The following ZNF229 variants were observed in gnomAD, a reference collection of about 807,000 sequenced individuals.
The protein encoded by ZNF229 is zinc finger protein 229.
ZNF229 carries 10 observed loss-of-function variants against 11.8 expected under a neutral mutation model. The ratio of observed to expected loss-of-function variants is 0.85; its 90% CI spans 0.52 to 1.44. The LOEUF (loss-of-function observed/expected upper bound fraction) is 1.44. Ranked by LOEUF, ZNF229 falls within the 40% of genes most tolerant of loss-of-function variation. ZNF229 has a pLI of 0.00. For synonymous variants in ZNF229, 368 were observed against 374.8 expected (o/e 0.98, Z 0.21); for missense variants, 1,045 against 1,015.1 (o/e 1.03, Z -0.40).
chr19:44,428,721 T>C lies in ZNF229; in HGVS notation c.2060A>G (p.Asp687Gly), dbSNP rs759607027. ...VHTGKKPYTC[D>G]QCGKGFSYGS... The stretch of plus-strand genomic sequence containing the variant: ...ATAACTGAATCCCTTGCCACACTGA[T>C]CACACGTATAGGGCTTTTTTCCCGT... The change falls in exon 6 of 6, where the codon GAT becomes GGT. Residue 687 changes from aspartate (D) to glycine (G), a missense_variant. Transcript: ENST00000614049. The C allele has an allele frequency of 6.2e-7, 1 of 1,613,394 alleles. No individual in the cohort carries two copies. The highest frequency in any genetic ancestry group is 1.7e-5 in the Admixed American group (1 of 59,976).
At position 44,428,092 on chromosome 19, in the gene ZNF229, C is replaced by G; in HGVS notation, c.*211G>C. 1 of 552,868 alleles carries G rather than the reference C, an allele frequency of 1.8e-6. No homozygotes were observed. Among genetic ancestry groups the G allele is most frequent in the Non-Finnish European group, 3.1e-6 (1 of 317,842 alleles). 34.2% of individuals were successfully genotyped at this position (552,868 alleles called of 1,614,324 possible). ...TTTCTTTAAAGCCTACTCCGCTGCA[C>G]AACAGACTCTTAAAGACTGAAGTTT... On this transcript the variant is annotated 3_prime_UTR_variant, in exon 6 of 6. Transcript: ENST00000614049.
chr19:44,442,813 C>T lies in ZNF229; in HGVS notation c.34+1G>A. On this transcript the variant is annotated splice_donor_variant, in intron 3 of 5. Transcript: ENST00000614049. LOFTEE classifies it high-confidence loss of function. ...CACCCACCCCCTCTATTAGCTGTCA[C>T]CTCTTTTCTCATGCCTTGAGGTCAA... 1 of 1,531,068 alleles carries T rather than the reference C, an allele frequency of 6.5e-7. No homozygotes were observed. The highest frequency in any genetic ancestry group is 9.0e-7 in the Non-Finnish European group (1 of 1,106,640). The allele number at this position is 1,531,068 out of a possible 1,614,324, so 94.8% of individuals were successfully genotyped here. A position where few individuals can be genotyped will look rare whatever the true frequency, so the allele number is the denominator to read the frequency against.
At chr19:44,442,510 T>C in intron 4 of ZNF229, 53 bp downstream of exon 4, 3 of 1,592,004 alleles carry the variant, frequency 1.9e-6, no homozygotes, top group Non-Finnish European at 2.6e-6. Flanking sequence ...GGACGTATGT[T>C]TTCTCTCTGA....
chr19:44,447,560 T>C lies in ZNF229; in HGVS notation c.-225A>G, dbSNP rs575143592. 1 of 152,190 alleles carries C rather than the reference T, an allele frequency of 6.6e-6. No individual in the cohort carries two copies. Among genetic ancestry groups the C allele is most frequent in the African/African-American group, 2.4e-5 (1 of 41,444 alleles). 9.4% of individuals were successfully genotyped at this position (152,190 alleles called of 1,614,324 possible). A position where few individuals can be genotyped will look rare whatever the true frequency, so the allele number is the denominator to read the frequency against. On this transcript the variant is annotated 5_prime_UTR_variant, in exon 2 of 6. Transcript: ENST00000614049. ...TGTGGGGTTATTTCTCCTTCTTTTATACAATTATCTCCGAGAAACGAACAA... is the reference window on the plus strand; with the variant it reads ...TGTGGGGTTATTTCTCCTTCTTTTACACAATTATCTCCGAGAAACGAACAA...
In ZNF229 at chr19:44,426,342, A is replaced by C. The variant is rs1337300558; in HGVS notation, c.*1961T>G. ...TAGCTCTACTGTTATTATAAAACTG[A>C]AAGATACTTTGTTACAAAGTAAAAT... On this transcript the variant is annotated 3_prime_UTR_variant, in exon 6 of 6. Coordinates refer to ENST00000614049, the MANE Select transcript of ZNF229 (RefSeq NM_014518.4). The C allele has an allele frequency of 1.3e-5, 2 of 152,174 alleles. No individual in the cohort carries two copies. Among genetic ancestry groups the C allele is most frequent in the Non-Finnish European group, 2.9e-5 (2 of 68,038 alleles). The allele number at this position is 152,174 out of a possible 1,614,324, so 9.4% of individuals were successfully genotyped here.
intron 2 of ZNF229, among the ~76,000 whole-genome samples, chr19:44,446,583 T>C (rs926632416): frequency 1.3e-5 from 2 of 152,216 alleles, no homozygotes; most frequent in Non-Finnish European, 1.5e-5. Context: ...AAATCATCAA[T>C]ATACTATTAC....
At chr19:44,438,697 A>G (rs1445248114) in intron 4 of ZNF229, among the ~76,000 whole-genome samples, 1 of 152,078 alleles carries the variant, frequency 6.6e-6, no homozygotes, top group Non-Finnish European at 1.5e-5. Context: ...CAGTGAGGGG[A>G]GAGGAGCTGA....
At chr19:44,433,646 C>T (rs560501128) in intron 4 of ZNF229, among the ~76,000 whole-genome samples, 11 of 152,194 alleles carry the variant, frequency 7.2e-5, no homozygotes, top group African/African-American at 2.7e-4. Flanking sequence ...TTTCTGAGGC[C>T]TCCTTAGAAG....
rs1971582173 is a variant in ZNF229, at chr19:44,426,872, T to TATTACGTCC, written c.*1422_*1430dup. On this transcript the variant is annotated 3_prime_UTR_variant, in exon 6 of 6. Transcript: ENST00000614049. The stretch of plus-strand genomic sequence containing the variant: ...CTCTCACCAATAAGTACATAAGACT[T>TATTACGTCC]ATTACGTCCATTTTTGCACTGCTAT... 6.6e-6 allele frequency: 1 copy of TATTACGTCC among 152,118 alleles called. No homozygotes were observed. Among genetic ancestry groups the TATTACGTCC allele is most frequent in the South Asian group, 2.1e-4 (1 of 4,826 alleles). The allele number at this position is 152,118 out of a possible 1,614,324, so 9.4% of individuals were successfully genotyped here. A position where few individuals can be genotyped will look rare whatever the true frequency, so the allele number is the denominator to read the frequency against.
rs1308783896 is a variant in ZNF229 at position 44,428,504 on chromosome 19, C to T, written c.2277G>A (p.Gln759=). Residue 759 remains glutamine (Q), a synonymous_variant, in exon 6 of 6, where the codon CAG becomes CAA. Coordinates refer to ENST00000614049, the MANE Select transcript of ZNF229 (RefSeq NM_014518.4). Reference sequence around the variant, plus strand: ...AGGGTTTCTCACCAGTGTGGACCCTCTGATGACCTTGAAGATGTGAGCTCT... The same window carrying T: ...AGGGTTTCTCACCAGTGTGGACCCTTTGATGACCTTGAAGATGTGAGCTCT... The part of the protein sequence containing the change: ...YSQSSHLQGH[Q]RVHTGEKPYK... 6.2e-7 allele frequency: 1 copy of T among 1,614,042 alleles called. No homozygotes were observed. Among genetic ancestry groups the T allele is most frequent in the Non-Finnish European group, 8.5e-7 (1 of 1,180,010 alleles).
rs1208110221 is a variant in ZNF229, at chr19:44,426,525, A to C, written c.*1778T>G. 1 of 152,146 alleles carries C rather than the reference A, an allele frequency of 6.6e-6. No homozygotes were observed. Among genetic ancestry groups the C allele is most frequent in the Non-Finnish European group, 1.5e-5 (1 of 68,036 alleles). 9.4% of individuals were successfully genotyped at this position (152,146 alleles called of 1,614,324 possible). On this transcript the variant is annotated 3_prime_UTR_variant, in exon 6 of 6. Coordinates refer to ENST00000614049, the MANE Select transcript of ZNF229 (RefSeq NM_014518.4). ...GGGTCATGCTATAATTGTTGTTCTA[A>C]AACTCTCCTGGTTCACTAAATACTT...
intron 4 of ZNF229, among the ~76,000 whole-genome samples, chr19:44,442,118 A>G (rs1418171273): frequency 1.4e-5 from 2 of 145,342 alleles, no homozygotes; most frequent in Admixed American, 6.8e-5. Context: ...CTTTTCTAAT[A>G]TGTTTTTCTT....
At chr19:44,432,729 T>C (rs1367237091) in intron 4 of ZNF229, among the ~76,000 whole-genome samples, 3 of 151,934 alleles carry the variant, frequency 2.0e-5, no homozygotes, top group African/African-American at 7.3e-5. Context: ...TTAGGAGATA[T>C]ACCTAATGCT....
At chr19:44,442,082 A>G (rs1193647321) in intron 4 of ZNF229, among the ~76,000 whole-genome samples, 1 of 152,186 alleles carries the variant, frequency 6.6e-6, no homozygotes, top group African/African-American at 2.4e-5. Context: ...GAAAATAAGG[A>G]TATTAAAATT....
Position 44,427,670 on chromosome 19 carries a change from T to C in ZNF229, c.*633A>G, listed in dbSNP as rs1173137054. On this transcript the variant is annotated 3_prime_UTR_variant, in exon 6 of 6. Coordinates refer to ENST00000614049, the MANE Select transcript of ZNF229 (RefSeq NM_014518.4). ...TTTTTGAACCTGGAAAGAAGACATA[T>C]TTCTGTAGTGTACTACAACTCCTCT... 1.3e-5 allele frequency: 2 copies of C among 152,128 alleles called. No individual in the cohort carries two copies. Among genetic ancestry groups the C allele is most frequent in the African/African-American group, 4.8e-5 (2 of 41,378 alleles). 9.4% of individuals were successfully genotyped at this position (152,128 alleles called of 1,614,324 possible).
chr19:44,432,480 A>C lies in ZNF229; in HGVS notation c.94-114T>G, dbSNP rs1336885219. ...AAAATCTGGATTAAGAAAATGTGGCACATATACACCATGGAATACTATGCA... is the reference window on the plus strand; with the variant it reads ...AAAATCTGGATTAAGAAAATGTGGCCCATATACACCATGGAATACTATGCA... On this transcript the variant is annotated intron_variant, in intron 4 of 5. Coordinates refer to ENST00000614049, the MANE Select transcript of ZNF229 (RefSeq NM_014518.4). 2.1e-6 allele frequency: 3 copies of C among 1,447,168 alleles called. 1 individual carries two copies. The African/African-American group carries it at 4.4e-5, about 21-fold the overall frequency. 89.6% of individuals were successfully genotyped at this position (1,447,168 alleles called of 1,614,324 possible).
At chr19:44,445,942 T>A (rs1971995647) in intron 2 of ZNF229, among the ~76,000 whole-genome samples, 1 of 152,204 alleles carries the variant, frequency 6.6e-6, no homozygotes, top group African/African-American at 2.4e-5. Flanking sequence ...TGCTAAGGAC[T>A]ATGCTGGCTG....
Position 44,442,884 on chromosome 19 carries a change from C to T in ZNF229, c.-37G>A, listed in dbSNP as rs1206567482. 2 of 1,597,148 alleles carry T rather than the reference C, an allele frequency of 1.3e-6. No individual in the cohort carries two copies. The highest frequency in any genetic ancestry group is 1.3e-5 in the African/African-American group (1 of 74,150). On this transcript the variant is annotated 5_prime_UTR_variant, in exon 3 of 6. Transcript: ENST00000614049. ...CTAGGTTCTCTGCGAGCAGCAGCAACTGTATTTATTCTCTGGTTTTCCTAA... is the reference window on the plus strand; with the variant it reads ...CTAGGTTCTCTGCGAGCAGCAGCAATTGTATTTATTCTCTGGTTTTCCTAA...
In ZNF229 at chr19:44,429,543, C is replaced by T. The variant is rs369598492; in HGVS notation, c.1238G>A (p.Gly413Asp). The change falls in exon 6 of 6, where the codon GGC (glycine) becomes GAC (aspartate). Residue 413 changes from glycine to aspartate, a missense_variant. By Grantham distance (94) the Gly-to-Asp change is moderately conservative. Coordinates refer to ENST00000614049, the MANE Select transcript of ZNF229 (RefSeq NM_014518.4). The stretch of plus-strand genomic sequence containing the variant: ...TTGAAGCACTGAGCTGTAACTGAAG[C>T]CCTTCCCACACTCGCTGCATTTATA... The part of the protein sequence containing the change: ...KPYKCSECGK[G>D]FSYSSVLQVH... 6 of 1,612,316 alleles carry T rather than the reference C, an allele frequency of 3.7e-6. No homozygotes were observed. Among genetic ancestry groups the T allele is most frequent in the Non-Finnish European group, 5.1e-6 (6 of 1,178,640 alleles).
Sources: gnomAD v4.1 joint callset for allele counts (sites outside exome capture counted in the v4.1 genomes callset) on GRCh38, gnomAD v4.1.1 for gene constraint, MANE v1.5 for transcripts, NCBI Gene and HGNC (gene_info 2026-07-23, HGNC 2026-07-21) for gene names.